LYSMD2: variants seen among roughly 807,000 people sequenced by gnomAD.
LYSMD2 encodes LysM domain containing 2, also known as lysM and putative peptidoglycan-binding domain-containing protein 2.
In LYSMD2, 6 loss-of-function variants were observed where a neutral mutation model predicts 17.7. The observed-to-expected ratio is 0.34, with a 90% CI of 0.19 to 0.67. The LOEUF (loss-of-function observed/expected upper bound fraction) is 0.67, where lower values mean the gene tolerates loss of function less well. LYSMD2 is among the 30% of genes least tolerant of loss of function. The pLI, the probability that LYSMD2 is intolerant of heterozygous loss-of-function variation, is 0.69. For missense variants in LYSMD2, 237 were observed against 286.7 expected, an observed-to-expected ratio of 0.83 and a Z score of 1.25; for synonymous variants, 102 against 129.8, an observed-to-expected ratio of 0.79 and a Z score of 1.45.
intron 1 of LYSMD2, among the ~76,000 whole-genome samples, chr15:51,732,940 C>T (rs926569868): frequency 1.3e-5 from 2 of 152,204 alleles, no homozygotes; most frequent in Non-Finnish European, 2.9e-5. Flanking sequence ...CCAGAGTGAT[C>T]GTTTTAATAC....
chr15:51,741,962 A>AAT (rs915764452), upstream of LYSMD2, among the ~76,000 whole-genome samples: 74 of 149,150 alleles, frequency 5.0e-4, no homozygotes, highest in South Asian at 0.01. Context: ...ATATATAAAT[A>AAT]ATATATATAT....
upstream of LYSMD2, among the ~76,000 whole-genome samples, chr15:51,738,727 G>C (rs545719315): frequency 6.6e-5 from 10 of 152,150 alleles, no homozygotes; most frequent in Admixed American, 2.0e-4. Flanking sequence ...GTATGTTGCT[G>C]TGCTGGACAG....
upstream of LYSMD2, among the ~76,000 whole-genome samples, chr15:51,742,515 T>C (rs186624218): frequency 4.6e-5 from 7 of 152,348 alleles, no homozygotes; most frequent in East Asian, 1.2e-3. Flanking sequence ...GTAACATGTA[T>C]CATGTTGAGT....
At chr15:51,725,390 T>C (rs1329191469) in intron 1 of LYSMD2, among the ~76,000 whole-genome samples, 2 of 152,254 alleles carry the variant, frequency 1.3e-5, no homozygotes, top group Non-Finnish European at 2.9e-5. Context: ...TTAACATCAG[T>C]GGACTTAAAT....
rs1185627513 is a variant in LYSMD2, at chr15:51,737,414, T to C, written c.209A>G (p.His70Arg). Reference protein sequence around the residue: ...APLGAGVIERHVEHRVRAGDT... With the variant: ...APLGAGVIERRVEHRVRAGDT... ...GCCCGCGCGGACCCGGTGCTCCACA[T>C]GGCGCTCGATGACGCCGGCGCCCAG... The change falls in exon 1 of 3, where the codon CAT (histidine) becomes CGT (arginine). Residue 70 changes from histidine (H) to arginine (R), a missense_variant. His to Arg is a conservative substitution (Grantham distance 29). Transcript: ENST00000267838. The surrounding 1 kb of genome is among the most constrained non-coding windows in gnomAD (Gnocchi z 4.2). The C allele has an allele frequency of 3.5e-6, 5 of 1,446,246 alleles. No individual in the cohort carries two copies. The highest frequency in any genetic ancestry group is 5.3e-5 in the Admixed American group (2 of 37,678). 89.6% of individuals were successfully genotyped at this position (1,446,246 alleles called of 1,614,324 possible).
chr15:51,724,861 A>G lies in LYSMD2; in HGVS notation c.534T>C (p.Asp178=), dbSNP rs377734654. ...TCTGCAAGTCAAGTCTCTGCAGGAA[A>G]TCTCTGGCTGACACTTCCTCAGGCT... is the stretch of plus-strand genomic sequence containing the variant. The part of the protein sequence containing the change: ...PVQPEEVSAR[D]FLQRLDLQIK... The change falls in exon 2 of 3, where the codon GAT becomes GAC. Residue 178 remains aspartate, a synonymous_variant. Coordinates refer to ENST00000267838, the MANE Select transcript of LYSMD2 (RefSeq NM_153374.3). 56 of 1,614,022 alleles carry G rather than the reference A, an allele frequency of 3.5e-5. No homozygotes were observed. In the African/African-American group the frequency reaches 7.1e-4, roughly 20 times the overall value.
At position 51,737,423 on chromosome 15, in the gene LYSMD2, A is replaced by T; in HGVS notation, c.200T>A (p.Ile67Asn). ...GACCCGGTGCTCCACATGGCGCTCG[A>T]TGACGCCGGCGCCCAGCGGCGCCCG... ...SVRAPLGAGV[I>N]ERHVEHRVRA... Residue 67 changes from isoleucine to asparagine, a missense_variant, in exon 1 of 3, where the codon ATC becomes AAC. Transcript: ENST00000267838. The surrounding 1 kb of genome is among the most constrained non-coding windows in gnomAD (Gnocchi z 4.2). 3 of 1,444,816 alleles carry T rather than the reference A, an allele frequency of 2.1e-6. No homozygotes were observed. Among genetic ancestry groups the T allele is most frequent in the Non-Finnish European group, 2.7e-6 (3 of 1,103,468 alleles). 89.5% of individuals were successfully genotyped at this position (1,444,816 alleles called of 1,614,324 possible). A position where few individuals can be genotyped will look rare whatever the true frequency, so the allele number is the denominator to read the frequency against.
chr15:51,731,397 A>G (rs557225411), intron 1 of LYSMD2, among the ~76,000 whole-genome samples: 1 of 152,370 alleles, frequency 6.6e-6, no homozygotes, highest in South Asian at 2.1e-4. Flanking sequence ...GGTTAAAGTT[A>G]TGAACACTAA....
intron 1 of LYSMD2, among the ~76,000 whole-genome samples, chr15:51,726,250 CAAAATT>C (rs1300949166): frequency 2.0e-5 from 3 of 152,136 alleles, no homozygotes; most frequent in Non-Finnish European, 4.4e-5. Flanking sequence ...CTTTTAGAGA[CAAAATT>C]AAAATCTAAA....
intron 1 of LYSMD2, among the ~76,000 whole-genome samples, chr15:51,744,706 G>A (rs939379115): frequency 6.6e-6 from 1 of 152,102 alleles, no homozygotes; most frequent in African/African-American, 2.4e-5. Flanking sequence ...TCTGAAAGAG[G>A]TTGTGGAGAA....
At chr15:51,731,806 G>A (rs2055578798) in intron 1 of LYSMD2, among the ~76,000 whole-genome samples, 1 of 152,138 alleles carries the variant, frequency 6.6e-6, no homozygotes, top group African/African-American at 2.4e-5. Context: ...TTCCTCCAGA[G>A]GCTTGACTCT....
chr15:51,741,275 A>C (rs1408939153), upstream of LYSMD2, among the ~76,000 whole-genome samples: 2 of 152,272 alleles, frequency 1.3e-5, no homozygotes, highest in Non-Finnish European at 2.9e-5. Context: ...TTACATATTC[A>C]ATAAATGTTG....
intron 1 of LYSMD2, among the ~76,000 whole-genome samples, chr15:51,747,862 G>A (rs1412496288): frequency 6.6e-6 from 1 of 152,184 alleles, no homozygotes; most frequent in Non-Finnish European, 1.5e-5. Context: ...CATCAACATA[G>A]TCACTGCTCC....
upstream of LYSMD2, chr15:51,737,687 C>A: frequency 9.0e-7 from 1 of 1,106,542 alleles, no homozygotes; most frequent in Non-Finnish European, 1.1e-6. This position sits in a 1 kb window ranked among gnomAD's most constrained non-coding sequence, Gnocchi z 4.2. Context: ...CCTCCTCCGC[C>A]GCCGCCGCCG....
exon 1 of LYSMD2, chr15:51,751,427 T>G: frequency 2.9e-6 from 2 of 690,918 alleles, no homozygotes; most frequent in Non-Finnish European, 5.3e-6. Flanking sequence ...CTTCCTCCCC[T>G]GCAGAGCTGT....
At chr15:51,726,573 G>A (rs1037239025) in intron 1 of LYSMD2, among the ~76,000 whole-genome samples, 2 of 152,298 alleles carry the variant, frequency 1.3e-5, no homozygotes, top group African/African-American at 2.4e-5. Flanking sequence ...GACGGTAGTC[G>A]AGGGGAGAGT....
chr15:51,749,943 A>T (rs1266637138), intron 1 of LYSMD2, among the ~76,000 whole-genome samples: 1 of 152,206 alleles, frequency 6.6e-6, no homozygotes, highest in South Asian at 2.1e-4. Flanking sequence ...CATTACCACA[A>T]TTGATCATAG....
chr15:51,736,137 T>C (rs1232256129), intron 1 of LYSMD2, among the ~76,000 whole-genome samples: 3 of 152,218 alleles, frequency 2.0e-5, no homozygotes, highest in Admixed American at 6.5e-5. Context: ...CCTGGGCTTA[T>C]TGTGAAAGTT....
At chr15:51,729,177 A>G (rs1338876115) in intron 1 of LYSMD2, among the ~76,000 whole-genome samples, 1 of 152,262 alleles carries the variant, frequency 6.6e-6, no homozygotes. Flanking sequence ...CAGGAAAAAA[A>G]TCATGTGGCT....
Sources: gnomAD v4.1 joint callset for allele counts (sites outside exome capture counted in the v4.1 genomes callset) on GRCh38, gnomAD v4.1.1 for gene constraint, Gnocchi (gnomAD v3.1) non-coding constraint, MANE v1.5 for transcripts, NCBI Gene and HGNC (gene_info 2026-07-23, HGNC 2026-07-21) for gene names.